The following SEMA6A variants were observed in gnomAD, a reference collection of about 807,000 sequenced individuals.
The protein encoded by SEMA6A is semaphorin-6A.
In SEMA6A, 25 loss-of-function variants were observed where a neutral mutation model predicts 96.8. The observed-to-expected ratio is 0.26, with a 90% confidence interval of 0.19 to 0.36. SEMA6A has a LOEUF of 0.36. Among genes scored for constraint, SEMA6A ranks in the 10% least tolerant of loss-of-function variants. The pLI is 1.00. For missense variants in SEMA6A, 1,363 were observed against 1,323.1 expected (o/e 1.03, Z -0.47); for synonymous variants, 612 against 518.0 (o/e 1.18, Z -2.46).
intron 1 of SEMA6A, among the ~76,000 whole-genome samples, chr5:116,571,040 G>T (rs115624398): frequency 0.033 from 5,078 of 152,240 alleles, 102 homozygotes; most frequent in Non-Finnish European, 0.043. Context: ...AACTTGAGGG[G>T]TGTGTGTTGT....
intron 6 of SEMA6A, among the ~76,000 whole-genome samples, chr5:116,492,734 C>T (rs1757388669): frequency 6.6e-6 from 1 of 152,134 alleles, no homozygotes; most frequent in South Asian, 2.1e-4. Context: ...GGTAGAGAGG[C>T]AGATACTGAA....
chr5:116,445,716 C>G lies in SEMA6A; in HGVS notation c.*897G>C, dbSNP rs1174626014. 6.6e-6 allele frequency: 1 copy of G among 152,606 alleles called. No individual in the cohort carries two copies. The highest frequency in any genetic ancestry group is 1.9e-4 in the East Asian group (1 of 5,194). 9.5% of individuals were successfully genotyped at this position (152,606 alleles called of 1,614,324 possible). ...TTCCTTTAGCTACAGACCAGACAGT[C>G]CAAACACAAAGCTCAGAATTCCAGC... On this transcript the variant is annotated 3_prime_UTR_variant, in exon 19 of 19. Transcript: ENST00000343348.
intron 10 of SEMA6A, among the ~76,000 whole-genome samples, chr5:116,483,179 A>G (rs1194232406): frequency 6.6e-6 from 1 of 152,262 alleles, no homozygotes; most frequent in Non-Finnish European, 1.5e-5. Flanking sequence ...CAAATAAAGT[A>G]CTTTATAAAG....
intron 18 of SEMA6A, among the ~76,000 whole-genome samples, chr5:116,459,694 T>C (rs910466816): frequency 6.6e-6 from 1 of 152,150 alleles, no homozygotes; most frequent in Non-Finnish European, 1.5e-5. Flanking sequence ...CCACTTGGAA[T>C]TAGTTGTGCC....
intron 16 of SEMA6A, among the ~76,000 whole-genome samples, chr5:116,474,390 T>C (rs1288213699): frequency 6.6e-6 from 1 of 152,014 alleles, no homozygotes; most frequent in African/African-American, 2.4e-5. Flanking sequence ...TCAAACTATT[T>C]CCCTGATACG....
At chr5:116,559,490 G>A (rs1280615522) in intron 1 of SEMA6A, among the ~76,000 whole-genome samples, 1 of 152,050 alleles carries the variant, frequency 6.6e-6, no homozygotes, top group Non-Finnish European at 1.5e-5. Context: ...CGCACTTGGG[G>A]CTGACGCCGT....
intron 1 of SEMA6A, among the ~76,000 whole-genome samples, chr5:116,539,605 G>GTGTT (rs1759875265): frequency 6.6e-6 from 1 of 151,678 alleles, no homozygotes; most frequent in African/African-American, 2.4e-5. Context: ...GTGTGTGTGT[G>GTGTT]TGTGTGTGTG....
intron 18 of SEMA6A, among the ~76,000 whole-genome samples, chr5:116,463,431 T>C (rs534446410): frequency 6.6e-6 from 1 of 152,360 alleles, no homozygotes; most frequent in African/African-American, 2.4e-5. Context: ...TAAAATTCCA[T>C]TTAGGATTGT....
At chr5:116,524,693 A>G (rs1045283653) in intron 1 of SEMA6A, among the ~76,000 whole-genome samples, 1 of 152,088 alleles carries the variant, frequency 6.6e-6, no homozygotes, top group Non-Finnish European at 1.5e-5. Flanking sequence ...AGGGTTAAAG[A>G]CATCTTTCAA....
chr5:116,489,466 T>A (rs986106506), intron 7 of SEMA6A, among the ~76,000 whole-genome samples: 4 of 152,104 alleles, frequency 2.6e-5, no homozygotes, highest in Non-Finnish European at 5.9e-5. Context: ...CTCAGCCTGA[T>A]CAGGTGAGAG....
At chr5:116,449,186 TA>T in intron 18 of SEMA6A, 1 of 589,184 alleles carries the variant, frequency 1.7e-6, no homozygotes. Context: ...CGCTAAAAAA[TA>T]AAATCTCTAA....
chr5:116,467,161 A>C (rs965215519), intron 18 of SEMA6A, among the ~76,000 whole-genome samples: 1 of 152,172 alleles, frequency 6.6e-6, no homozygotes, highest in African/African-American at 2.4e-5. Flanking sequence ...TTGTCCTGCT[A>C]TTTCTCAATT....
chr5:116,515,365 T>C (rs1758620696), intron 1 of SEMA6A, among the ~76,000 whole-genome samples: 1 of 152,214 alleles, frequency 6.6e-6, no homozygotes. Flanking sequence ...GGGGAAGCTC[T>C]GAAGTATAAG....
At chr5:116,533,518 T>C (rs1050481183) in intron 1 of SEMA6A, among the ~76,000 whole-genome samples, 1 of 152,218 alleles carries the variant, frequency 6.6e-6, no homozygotes, top group African/African-American at 2.4e-5. Context: ...AAAGCCCTTT[T>C]TATTGAAAAT....
intron 1 of SEMA6A, among the ~76,000 whole-genome samples, chr5:116,572,039 A>G (rs984529545): frequency 5.3e-5 from 8 of 152,218 alleles, no homozygotes; most frequent in African/African-American, 1.9e-4. Flanking sequence ...GGGAAGGACG[A>G]CGAACAATTT....
At chr5:116,483,730 T>A (rs1756905091) in intron 10 of SEMA6A, among the ~76,000 whole-genome samples, 1 of 152,156 alleles carries the variant, frequency 6.6e-6, no homozygotes, top group Admixed American at 6.5e-5. Context: ...TGCTTATAAA[T>A]TTATACATGT....
chr5:116,540,103 T>TA (rs1233605865), intron 1 of SEMA6A, among the ~76,000 whole-genome samples: 17 of 152,240 alleles, frequency 1.1e-4, no homozygotes, highest in African/African-American at 4.1e-4. Context: ...GTTGGTTATG[T>TA]AAAAGATTGA....
At chr5:116,493,570 C>T (rs1181703323) in intron 6 of SEMA6A, among the ~76,000 whole-genome samples, 1 of 152,060 alleles carries the variant, frequency 6.6e-6, no homozygotes, top group Admixed American at 6.6e-5. Flanking sequence ...CTATTTTGTG[C>T]CTGAGCCACA....
At chr5:116,561,117 T>C (rs1379464084) in intron 1 of SEMA6A, among the ~76,000 whole-genome samples, 1 of 152,220 alleles carries the variant, frequency 6.6e-6, no homozygotes, top group African/African-American at 2.4e-5. Context: ...TTACTTGACC[T>C]CTTTGAACCT....
Sources: allele counts gnomAD v4.1 joint callset (sites outside exome capture counted in the v4.1 genomes callset), GRCh38; gene constraint gnomAD v4.1.1; transcripts MANE v1.5; gene names NCBI Gene and HGNC (gene_info 2026-07-23, HGNC 2026-07-21).